The following PRR12 variants were observed in gnomAD, a reference collection of about 807,000 sequenced individuals.
PRR12 encodes proline rich 12, also known as proline-rich protein 12.
In PRR12, 12 loss-of-function variants were observed where a neutral mutation model predicts 138.0. The observed-to-expected ratio is 0.09, with a 90% CI of 0.06 to 0.14. The LOEUF (loss-of-function observed/expected upper bound fraction) is 0.14. Among genes scored for constraint, PRR12 ranks in the 10% least tolerant of loss-of-function variants. The pLI is 1.00. For missense variants in PRR12, 2,692 were observed against 2,861.3 expected, an observed-to-expected ratio of 0.94 and a Z score of 1.35; for synonymous variants, 1,567 against 1,291.7, an observed-to-expected ratio of 1.21 and a Z score of -4.57.
In PRR12 at chr19:49,601,397, G is replaced by A; in HGVS notation, c.4346-94G>A. 4 of 710,800 alleles carry A rather than the reference G, an allele frequency of 5.6e-6. 1 individual carries two copies. Among genetic ancestry groups the A allele is most frequent in the Non-Finnish European group, 9.5e-6 (4 of 421,892 alleles). 44.0% of individuals were successfully genotyped at this position (710,800 alleles called of 1,614,324 possible). On this transcript the variant is annotated intron_variant, in intron 5 of 13. Coordinates refer to ENST00000418929, the MANE Select transcript of PRR12 (RefSeq NM_020719.3). ...GGGAGCTGAGTGGTAGTTACAGAGG[G>A]GCTTTTGGTATAGAAAGCAGTGTTT...
intron 1 of PRR12, among the ~76,000 whole-genome samples, chr19:49,592,656 C>A (rs984378087): frequency 6.6e-6 from 1 of 152,104 alleles, no homozygotes; most frequent in African/African-American, 2.4e-5. Context: ...ATCTTTTCTT[C>A]CCCACGGGTG....
At position 49,616,115 on chromosome 19, in the gene PRR12, G is replaced by A; in HGVS notation, c.5393G>A (p.Arg1798Lys). ...AAGGCTGAACCGCCCCCTAAGAAGA[G>A]GAAGAAATGGCTGAAGGAGGCAGGC... Reference protein sequence around the residue: ...KVKAEPPPKKRKKWLKEAGGN... With the variant: ...KVKAEPPPKKKKKWLKEAGGN... The change falls in exon 9 of 14, where the codon AGG (arginine) becomes AAG (lysine). Residue 1798 changes from arginine to lysine, a missense_variant. Around this residue, in one of 11 missense-constraint regions of PRR12, gnomAD observed 259 missense variants for 265.1 expected, o/e 0.98. Transcript: ENST00000418929. This position sits in a 1 kb window ranked among gnomAD's most constrained non-coding sequence, Gnocchi z 4.2. 1 of 1,567,156 alleles carries A rather than the reference G, an allele frequency of 6.4e-7. No homozygotes were observed. The highest frequency in any genetic ancestry group is 8.6e-7 in the Non-Finnish European group (1 of 1,156,624).
Position 49,614,299 on chromosome 19 carries a change from C to T in PRR12, c.4774-234C>T, listed in dbSNP as rs905492231. Among the ~76,000 whole-genome samples, 11 of 152,304 alleles carry T rather than the reference C, an allele frequency of 7.2e-5. No homozygotes were observed. In the South Asian group the frequency reaches 2.3e-3, roughly 32 times the overall value. On this transcript the variant is annotated intron_variant, in intron 6 of 13. Coordinates refer to ENST00000418929, the MANE Select transcript of PRR12 (RefSeq NM_020719.3). The surrounding 1 kb of genome is among the most constrained non-coding windows in gnomAD (Gnocchi z 5.0). ...TAAAGCAATAGTGACTCAAACTCTA[C>T]AGCCTGAGAACGAGCAGCCCAATCC...
chr19:49,601,238 G>C (rs1375866562), intron 5 of PRR12, among the ~76,000 whole-genome samples: 2 of 152,054 alleles, frequency 1.3e-5, no homozygotes, highest in East Asian at 3.9e-4. Flanking sequence ...TTAAGAACCA[G>C]ACAAGGGCTT....
In PRR12 at chr19:49,616,228, C is replaced by G. The variant is rs1203480699; in HGVS notation, c.5497+9C>G. The G allele has an allele frequency of 2.0e-6, 3 of 1,512,952 alleles. No individual in the cohort carries two copies. The highest frequency in any genetic ancestry group is 1.3e-5 in the South Asian group (1 of 77,066). The allele number at this position is 1,512,952 out of a possible 1,614,324, so 93.7% of individuals were successfully genotyped here. On this transcript the variant is annotated intron_variant, in intron 9 of 13. Coordinates refer to ENST00000418929, the MANE Select transcript of PRR12 (RefSeq NM_020719.3). This position sits in a 1 kb window ranked among gnomAD's most constrained non-coding sequence, Gnocchi z 4.2. Reference sequence around the variant, plus strand: ...AGCCCCCAGCGAGGACGGTGAGGCCCTAGGCAGCCTCAGGGCTGCAGGGGT... The same window carrying G: ...AGCCCCCAGCGAGGACGGTGAGGCCGTAGGCAGCCTCAGGGCTGCAGGGGT...
chr19:49,615,101 G>C, intron 8 of PRR12, 92 bp downstream of exon 8: 2 of 1,546,742 alleles, frequency 1.3e-6, no homozygotes, highest in Non-Finnish European at 1.8e-6. Context: ...GAGAGTGGGG[G>C]GTGGGGACAG....
At position 49,596,482 on chromosome 19, in the gene PRR12, C is replaced by G. The variant is rs199785002; in HGVS notation, c.2147C>G (p.Ala716Gly). Residue 716 changes from alanine (A) to glycine (G), a missense_variant, in exon 4 of 14, where the codon GCG becomes GGG. Ala to Gly is a moderately conservative substitution (Grantham distance 60). Coordinates refer to ENST00000418929, the MANE Select transcript of PRR12 (RefSeq NM_020719.3). This position sits in a 1 kb window ranked among gnomAD's most constrained non-coding sequence, Gnocchi z 5.6. ...TSASLDEGATAALELGLGRLK... is the reference protein window; with the variant it reads ...TSASLDEGATGALELGLGRLK... ...GCCAGCCTGGATGAGGGTGCCACTG[C>G]GGCACTGGAGCTGGGCCTGGGGAGG... 885 of 1,610,606 alleles carry G rather than the reference C, an allele frequency of 5.5e-4. 4 individuals carry two copies. The African/African-American group carries it at 0.011, about 19-fold the overall frequency.
intron 5 of PRR12, among the ~76,000 whole-genome samples, 172 bp from the exon 6 acceptor site, chr19:49,601,319 G>A (rs532055916): frequency 1.8e-4 from 27 of 152,256 alleles, no homozygotes; most frequent in African/African-American, 5.3e-4. Context: ...CTTTGCAGCC[G>A]CAGGAGCCAG....
intron 10 of PRR12, among the ~76,000 whole-genome samples, chr19:49,621,235 G>C: frequency 7.2e-6 from 1 of 138,728 alleles, no homozygotes; most frequent in Admixed American, 7.2e-5. Context: ...GGACTCTTGG[G>C]TCAGAGAGAG....
In PRR12 at chr19:49,599,977, G is replaced by A. The variant is rs759743901; in HGVS notation, c.4345+39G>A. ...AGGTGGTCTGGGAGTAGAGCTTAAA[G>A]GTTATTATGATCACTAGGTAACAGT... On this transcript the variant is annotated intron_variant, in intron 5 of 13. Coordinates refer to ENST00000418929, the MANE Select transcript of PRR12 (RefSeq NM_020719.3). This position sits in a 1 kb window ranked among gnomAD's most constrained non-coding sequence, Gnocchi z 5.0. 41 of 1,522,838 alleles carry A rather than the reference G, an allele frequency of 2.7e-5. No homozygotes were observed. Among genetic ancestry groups the A allele is most frequent in the Non-Finnish European group, 3.4e-5 (38 of 1,130,882 alleles). The allele number at this position is 1,522,838 out of a possible 1,614,324, so 94.3% of individuals were successfully genotyped here. A position where few individuals can be genotyped will look rare whatever the true frequency, so the allele number is the denominator to read the frequency against.
At chr19:49,608,949 C>A (rs760845200) in intron 6 of PRR12, among the ~76,000 whole-genome samples, 4 of 152,186 alleles carry the variant, frequency 2.6e-5, no homozygotes, top group Admixed American at 6.6e-5. Context: ...CTTCCCCCGT[C>A]TGTCAACTGG....
chr19:49,596,376 G>C lies in PRR12; in HGVS notation c.2041G>C (p.Gly681Arg). The change falls in exon 4 of 14, where the codon GGG becomes CGG. Residue 681 changes from glycine (G) to arginine (R), a missense_variant. Gly to Arg is a moderately radical substitution (Grantham distance 125). This residue lies in a region of PRR12 where 840 missense variants were observed against 689.8 expected (regional missense o/e 1.22). Coordinates refer to ENST00000418929, the MANE Select transcript of PRR12 (RefSeq NM_020719.3). This position sits in a 1 kb window ranked among gnomAD's most constrained non-coding sequence, Gnocchi z 5.6. ...SKGLGGSGGA[G>R]GPPGTPYELA... is the part of the protein sequence containing the mutation. The stretch of plus-strand genomic sequence containing the variant: ...GGGACTTGGGGGGAGTGGCGGGGCC[G>C]GGGGACCACCGGGTACACCCTACGA... The C allele has an allele frequency of 2.5e-6, 4 of 1,600,248 alleles. No homozygotes were observed. Among genetic ancestry groups the C allele is most frequent in the Non-Finnish European group, 3.4e-6 (4 of 1,177,024 alleles).
chr19:49,596,058 G>T lies in PRR12; in HGVS notation c.1723G>T (p.Gly575Cys). Residue 575 changes from glycine (G) to cysteine (C), a missense_variant, in exon 4 of 14, where the codon GGC becomes TGC. Physicochemically the swap from Gly to Cys is radical, Grantham distance 159. This residue lies in a region of PRR12 where 66 missense variants were observed against 102.4 expected (regional missense o/e 0.64). Transcript: ENST00000418929. The surrounding 1 kb of genome is among the most constrained non-coding windows in gnomAD (Gnocchi z 5.6). ...IRPLQSPPAT[G>C]RPPGVGSPGA... ...TCCGCTCCAGTCACCGCCTGCCACC[G>T]GCCGTCCACCTGGAGTCGGCTCTCC... The T allele has an allele frequency of 6.2e-7, 1 of 1,601,572 alleles. No homozygotes were observed.
In PRR12 at chr19:49,625,756, G is replaced by T; in HGVS notation, c.*149G>T. ...TCTGTGCTGCCCCCTCCAGGGCAGG[G>T]TTCAAAGTCCGACTCCCCCCCTCTC... On this transcript the variant is annotated 3_prime_UTR_variant, in exon 14 of 14. Coordinates refer to ENST00000418929, the MANE Select transcript of PRR12 (RefSeq NM_020719.3). This position sits in a 1 kb window ranked among gnomAD's most constrained non-coding sequence, Gnocchi z 5.5. The T allele has an allele frequency of 9.3e-7, 1 of 1,079,524 alleles. No homozygotes were observed. The highest frequency in any genetic ancestry group is 1.2e-6 in the Non-Finnish European group (1 of 808,234). 66.9% of individuals were successfully genotyped at this position (1,079,524 alleles called of 1,614,324 possible).
rs569285213 is a variant in PRR12 at position 49,625,701 on chromosome 19, C to A, written c.*94C>A. ...GGAGCTAACACCTGGGCTCCATCGC[C>A]GGGGAAAGGGGGTCATGGGTCAGGG... On this transcript the variant is annotated 3_prime_UTR_variant, in exon 14 of 14. Transcript: ENST00000418929. The surrounding 1 kb of genome is among the most constrained non-coding windows in gnomAD (Gnocchi z 5.5). 6 of 1,452,746 alleles carry A rather than the reference C, an allele frequency of 4.1e-6. No individual in the cohort carries two copies. Among genetic ancestry groups the A allele is most frequent in the Non-Finnish European group, 3.6e-6 (4 of 1,097,834 alleles). 90.0% of individuals were successfully genotyped at this position (1,452,746 alleles called of 1,614,324 possible).
In PRR12 at chr19:49,601,588, C is replaced by G. The variant is rs1254930623; in HGVS notation, c.4443C>G (p.Ala1481=). ...CACCCCCTCCGCCGCCACAGCCAGCCCTGCCCTCGCCACCCCCGCTGGTGG... is the reference window on the plus strand; with the variant it reads ...CACCCCCTCCGCCGCCACAGCCAGCGCTGCCCTCGCCACCCCCGCTGGTGG... The part of the protein sequence containing the change: ...PPPPPPPPQP[A]LPSPPPLVAP... Residue 1481 remains alanine, a synonymous_variant, in exon 6 of 14, where the codon GCC becomes GCG. Transcript: ENST00000418929. 6.5e-7 allele frequency: 1 copy of G among 1,543,736 alleles called. No individual in the cohort carries two copies. The highest frequency in any genetic ancestry group is 1.4e-5 in the African/African-American group (1 of 72,626).
Position 49,599,222 on chromosome 19 carries a change from C to CTGGG in PRR12, c.3679-49_3679-46dup. 1 of 1,488,722 alleles carries CTGGG rather than the reference C, an allele frequency of 6.7e-7. No individual in the cohort carries two copies. Among genetic ancestry groups the CTGGG allele is most frequent in the South Asian group, 1.4e-5 (1 of 73,640 alleles). 92.2% of individuals were successfully genotyped at this position (1,488,722 alleles called of 1,614,324 possible). ...TTTTGGGGGCTGAGGGAGGATGGGA[C>CTGGG]TGGGGGCCCAGGCTACTGGGCCCTC... is the stretch of plus-strand genomic sequence containing the variant. On this transcript the variant is annotated intron_variant, in intron 4 of 13. Coordinates refer to ENST00000418929, the MANE Select transcript of PRR12 (RefSeq NM_020719.3). The surrounding 1 kb of genome is among the most constrained non-coding windows in gnomAD (Gnocchi z 5.0).
At chr19:49,591,827 G>A in intron 1 of PRR12, 87 bp downstream of exon 1, 1 of 769,478 alleles carries the variant, frequency 1.3e-6, no homozygotes, top group Non-Finnish European at 1.8e-6. Context: ...CCCGCCCGGC[G>A]ACGCGTGCAT....
intron 9 of PRR12, 123 bp from the exon 10 acceptor site, chr19:49,620,229 G>A (rs774681808): frequency 7.3e-5 from 96 of 1,322,588 alleles, no homozygotes; most frequent in Middle Eastern, 1.8e-4. Flanking sequence ...CTTCCCTAGC[G>A]GACTTGGACC....
Sources: allele counts gnomAD v4.1 joint callset (sites outside exome capture counted in the v4.1 genomes callset), GRCh38; gene constraint gnomAD v4.1.1; regional missense constraint gnomAD v4.1.1; non-coding constraint Gnocchi (gnomAD v3.1); transcripts MANE v1.5; gene names NCBI Gene and HGNC (gene_info 2026-07-23, HGNC 2026-07-21).